The following TAB2 variants were observed in gnomAD, a reference collection of about 807,000 sequenced individuals.
The protein encoded by TAB2 is TGF-beta activated kinase 1 (MAP3K7) binding protein 2, also known as TGF-beta-activated kinase 1 and MAP3K7-binding protein 2.
Under a neutral mutation model 65.0 loss-of-function variants are expected in TAB2, and 3 were observed. The ratio of observed to expected loss-of-function variants is 0.05; its 90% CI spans 0.02 to 0.12. The LOEUF is 0.12. Ranked by LOEUF, TAB2 falls within the 10% of genes least tolerant of loss-of-function variation. TAB2 has a pLI of 1.00. For synonymous variants in TAB2, 298 were observed against 285.1 expected, an observed-to-expected ratio of 1.05 and a Z score of -0.46; for missense variants, 623 against 840.3, an observed-to-expected ratio of 0.74 and a Z score of 3.20.
chr6:149,396,858 A>T (rs1261265362), intron 3 of TAB2, among the ~76,000 whole-genome samples: 1 of 152,250 alleles, frequency 6.6e-6, no homozygotes, highest in African/African-American at 2.4e-5. Flanking sequence ...TGTTGCATAC[A>T]TCAAAATGGA....
In TAB2 at chr6:149,254,006, G is replaced by GAAAGAAAGAAAGAAAGAA. The variant is rs1199018482; in HGVS notation, c.-121+35233_-121+35250dup. On this transcript the variant is annotated intron_variant, in intron 1 of 1. Transcript: ENST00000606202. ...AGAAAGAAAGAAAGAAAGAAAGAAA[G>GAAAGAAAGAAAGAAAGAA]AAAGAAAGAAAGAAAGAAAAGAAAG... is the stretch of plus-strand genomic sequence containing the variant. Among the ~76,000 whole-genome samples, 242 of 139,102 alleles carry GAAAGAAAGAAAGAAAGAA rather than the reference G, an allele frequency of 1.7e-3. 1 individual carries two copies. The highest frequency in any genetic ancestry group is 6.3e-3 in the African/African-American group (234 of 37,430). 91.3% of individuals were successfully genotyped at this position (139,102 alleles called of 152,430 possible).
chr6:149,229,854 G>A (rs1219222313), intron 1 of TAB2: 2 of 152,206 alleles, frequency 1.3e-5, no homozygotes, highest in Non-Finnish European at 2.9e-5. Flanking sequence ...GAGTGCTGTC[G>A]AGTTGGTTTA....
intron 1 of TAB2, 137 bp from the exon 2 acceptor site, chr6:149,369,772 A>T (rs1781159164): frequency 1.7e-6 from 1 of 602,560 alleles, no homozygotes; most frequent in African/African-American, 1.9e-5. Flanking sequence ...TATGGAAAGC[A>T]TTTTAGGTCT....
At chr6:149,360,689 A>G (rs1226227286) in intron 1 of TAB2, among the ~76,000 whole-genome samples, 1 of 152,214 alleles carries the variant, frequency 6.6e-6, no homozygotes, top group Non-Finnish European at 1.5e-5. Flanking sequence ...CCTTCCTAAT[A>G]GTCCTCCAAA....
intron 1 of TAB2, among the ~76,000 whole-genome samples, chr6:149,354,625 A>C (rs985642290): frequency 6.6e-6 from 1 of 152,242 alleles, no homozygotes; most frequent in African/African-American, 2.4e-5. Context: ...AGAGGCAGCC[A>C]GTGTTACCAG....
intron 1 of TAB2, among the ~76,000 whole-genome samples, chr6:149,225,562 C>T (rs962079375): frequency 2.0e-5 from 3 of 152,060 alleles, no homozygotes; most frequent in Non-Finnish European, 4.4e-5. Flanking sequence ...CAGAGCAGGG[C>T]AAAGGACAGT....
At chr6:149,358,727 A>T (rs996915551) in intron 1 of TAB2, among the ~76,000 whole-genome samples, 6 of 142,956 alleles carry the variant, frequency 4.2e-5, no homozygotes, top group East Asian at 2.1e-4. Context: ...ATCTCTTTGA[A>T]TTTTGCCTTT....
intron 1 of TAB2, among the ~76,000 whole-genome samples, chr6:149,359,782 A>T (rs1188360372): frequency 6.6e-6 from 1 of 152,192 alleles, no homozygotes; most frequent in Non-Finnish European, 1.5e-5. Flanking sequence ...TTTTTCTTGC[A>T]AGCTCTGCTG....
intron 1 of TAB2, among the ~76,000 whole-genome samples, chr6:149,339,633 C>T (rs1162498731): frequency 7.1e-6 from 1 of 140,854 alleles, no homozygotes; most frequent in East Asian, 2.0e-4. Context: ...GACGGAGTCT[C>T]TGTTGCCCAG....
At chr6:149,332,694 G>C (rs540968132) in intron 1 of TAB2, among the ~76,000 whole-genome samples, 1 of 151,990 alleles carries the variant, frequency 6.6e-6, no homozygotes, top group African/African-American at 2.4e-5. Context: ...TTATCTTACA[G>C]ATAAAAACAG....
chr6:149,395,355 C>T (rs1286867420), intron 3 of TAB2, among the ~76,000 whole-genome samples: 2 of 152,184 alleles, frequency 1.3e-5, no homozygotes, highest in East Asian at 1.9e-4. Flanking sequence ...TTATCCCTGT[C>T]TGGTTTTTGT....
intron 1 of TAB2, chr6:149,257,512 G>A (rs1778062689): frequency 6.6e-6 from 1 of 152,182 alleles, no homozygotes; most frequent in African/African-American, 2.4e-5. Flanking sequence ...ACCGAATGCA[G>A]CTGAAGTAGG....
At chr6:149,310,996 G>A (rs1048531703) in intron 1 of TAB2, among the ~76,000 whole-genome samples, 1 of 152,090 alleles carries the variant, frequency 6.6e-6, no homozygotes, top group African/African-American at 2.4e-5. Context: ...GCCGAGTGAT[G>A]ACTGACTCCA....
At chr6:149,254,059 G>A (rs12208618) in intron 1 of TAB2, among the ~76,000 whole-genome samples, 11 of 103,734 alleles carry the variant, frequency 1.1e-4, no homozygotes, top group Non-Finnish European at 1.6e-4. Flanking sequence ...GGGAGAGAGG[G>A]AGGAAGGAAG....
At chr6:149,356,759 C>G (rs560459726) in intron 1 of TAB2, among the ~76,000 whole-genome samples, 1 of 152,284 alleles carries the variant, frequency 6.6e-6, no homozygotes, top group African/African-American at 2.4e-5. Context: ...GCATAAAAAT[C>G]TTTCCAGCCT....
chr6:149,224,577 C>T (rs1279288391), intron 1 of TAB2, among the ~76,000 whole-genome samples: 2 of 152,138 alleles, frequency 1.3e-5, no homozygotes, highest in Admixed American at 6.5e-5. Context: ...GCGGTTCTCA[C>T]TCAGATGACA....
intron 1 of TAB2, among the ~76,000 whole-genome samples, chr6:149,270,289 T>C (rs533284398): frequency 6.6e-6 from 1 of 152,230 alleles, no homozygotes; most frequent in Non-Finnish European, 1.5e-5. Context: ...AACTGGGCTC[T>C]ATGGTTTTCC....
intron 1 of TAB2, among the ~76,000 whole-genome samples, chr6:149,341,614 T>C (rs1780129498): frequency 6.6e-6 from 1 of 152,164 alleles, no homozygotes; most frequent in African/African-American, 2.4e-5. Flanking sequence ...TGAAATCAGA[T>C]CTGAACTTAG....
chr6:149,331,392 T>C (rs1779779170), intron 1 of TAB2, among the ~76,000 whole-genome samples: 1 of 152,192 alleles, frequency 6.6e-6, no homozygotes, highest in Non-Finnish European at 1.5e-5. Flanking sequence ...GGTTGGTTGA[T>C]TTCTGTGAGT....
Sources: gnomAD v4.1 joint callset for allele counts (sites outside exome capture counted in the v4.1 genomes callset) on GRCh38, gnomAD v4.1.1 for gene constraint, MANE v1.5 for transcripts, NCBI Gene and HGNC (gene_info 2026-07-23, HGNC 2026-07-21) for gene names.